Variants in MRM1 observed in about 807,000 individuals in gnomAD.
MRM1 encodes mitochondrial rRNA methyltransferase 1, also known as rRNA methyltransferase 1, mitochondrial.
A neutral mutation model predicts 25.0 loss-of-function variants in MRM1; 24 were observed. The observed-to-expected ratio is 0.96, with a 90% confidence interval of 0.69 to 1.35. The LOEUF (loss-of-function observed/expected upper bound fraction) is 1.35. Ranked by LOEUF, MRM1 falls within the 40% of genes most tolerant of loss-of-function variation. MRM1 has a pLI of 0.00. For missense variants in MRM1, 431 were observed against 464.1 expected (o/e 0.93, Z 0.65); for synonymous variants, 188 against 199.2 (o/e 0.94, Z 0.47).
chr17:36,602,317 C>T lies in MRM1; in HGVS notation c.507C>T (p.Leu169=), dbSNP rs1237486948. 5 of 1,583,502 alleles carry T rather than the reference C, an allele frequency of 3.2e-6. No homozygotes were observed. Among genetic ancestry groups the T allele is most frequent in the African/African-American group, 2.7e-5 (2 of 74,186 alleles). Residue 169 remains leucine (L), a synonymous_variant, in exon 1 of 5, where the codon CTC becomes CTT. Transcript: ENST00000614766. The surrounding 1 kb of genome is among the most constrained non-coding windows in gnomAD (Gnocchi z 4.1). ...FGAVLRSAHF[L]GVDKVITSRR... Reference sequence around the variant, plus strand: ...CTGTGCTGCGTTCCGCACACTTCCTCGGAGTGGATAAGGTCATCACCAGCC... The same window carrying T: ...CTGTGCTGCGTTCCGCACACTTCCTTGGAGTGGATAAGGTCATCACCAGCC...
the MRM1 span, among the ~76,000 whole-genome samples, chr17:36,623,529 C>T: frequency 6.6e-6 from 1 of 152,134 alleles, no homozygotes; most frequent in Non-Finnish European, 1.5e-5. Context: ...ACTGGTTTGT[C>T]TCCTCCTTCC....
At chr17:36,618,430 A>G in the MRM1 span, among the ~76,000 whole-genome samples, 1 of 152,124 alleles carries the variant, frequency 6.6e-6, no homozygotes, top group African/African-American at 2.4e-5. Flanking sequence ...GGGAGGGCAC[A>G]ATTTTAAACA....
At position 36,608,325 on chromosome 17, in the gene MRM1, A is replaced by G. The variant is rs367759770; in HGVS notation, c.972A>G (p.Gln324=). ...GAAGGCAGCTTCTCCAAGACCCCCA[A>G]GAACCCTCAGCCAGGTCTGAAGGGC... ...GERRQLLQDP[Q]EPSARSEGLS... is the part of the protein sequence containing the mutation. Residue 324 remains glutamine, a synonymous_variant, in exon 5 of 5, where the codon CAA becomes CAG. Coordinates refer to ENST00000614766, the MANE Select transcript of MRM1 (RefSeq NM_024864.5). 1 of 1,611,370 alleles carries G rather than the reference A, an allele frequency of 6.2e-7. No homozygotes were observed. Among genetic ancestry groups the G allele is most frequent in the South Asian group, 1.1e-5 (1 of 90,820 alleles).
At chr17:36,614,436 T>A in the MRM1 span, among the ~76,000 whole-genome samples, 1 of 152,174 alleles carries the variant, frequency 6.6e-6, no homozygotes, top group African/African-American at 2.4e-5. Flanking sequence ...CCAGAGGTTG[T>A]CACTGTCCCC....
At chr17:36,626,862 A>G in the MRM1 span, among the ~76,000 whole-genome samples, 1 of 152,166 alleles carries the variant, frequency 6.6e-6, no homozygotes, top group Non-Finnish European at 1.5e-5. Flanking sequence ...TTTTCTCCAC[A>G]TCAGTTTTTC....
At chr17:36,611,870 T>G (rs561195327), downstream of MRM1, among the ~76,000 whole-genome samples, 1 of 152,264 alleles carries the variant, frequency 6.6e-6, no homozygotes, top group Admixed American at 6.5e-5. Context: ...GGCGTCCAGC[T>G]TGCTGACTCA....
rs750600798 is a variant in MRM1, at chr17:36,607,700, G to A, written c.667G>A (p.Gly223Ser). ...AGCCCAGCAGGGCTGGCTCGTGGCC[G>A]GCACGGTGGGCTGCCCAAGCACAGA... ...TKAQQGWLVAGTVGCPSTEDP... is the reference protein window; with the variant it reads ...TKAQQGWLVASTVGCPSTEDP... Residue 223 changes from glycine to serine, a missense_variant, in exon 3 of 5, where the codon GGC (glycine) becomes AGC (serine). Transcript: ENST00000614766. 6.8e-6 allele frequency: 11 copies of A among 1,614,072 alleles called. No homozygotes were observed. The highest frequency in any genetic ancestry group is 3.3e-4 in the Middle Eastern group (2 of 6,062).
the MRM1 span, among the ~76,000 whole-genome samples, chr17:36,622,414 A>C: frequency 1.3e-5 from 2 of 152,170 alleles, no homozygotes; most frequent in South Asian, 4.2e-4. Context: ...TCTACTAAAA[A>C]TACAAAAATT....
chr17:36,607,813 G>A lies in MRM1; in HGVS notation c.769+11G>A, dbSNP rs2074944331. 6.2e-7 allele frequency: 1 copy of A among 1,613,740 alleles called. No homozygotes were observed. Among genetic ancestry groups the A allele is most frequent in the Non-Finnish European group, 8.5e-7 (1 of 1,179,814 alleles). ...CTCTCCTTGTGCTGGGTAGGTGGAT[G>A]TCCCTGCGTTTGTGCCCAGATTACA... On this transcript the variant is annotated intron_variant, in intron 3 of 4. Transcript: ENST00000614766.
chr17:36,612,119 C>T (rs781522040), downstream of MRM1, among the ~76,000 whole-genome samples: 1 of 152,116 alleles, frequency 6.6e-6, no homozygotes, highest in African/African-American at 2.4e-5. Flanking sequence ...CACCCCACCC[C>T]CCACAGACTC....
intron 2 of MRM1, chr17:36,603,221 G>A (rs1425673474): frequency 5.1e-6 from 5 of 985,002 alleles, no homozygotes; most frequent in Non-Finnish European, 6.0e-6. Flanking sequence ...TCTTAAGAAG[G>A]GGGAGAGCTC....
the MRM1 span, among the ~76,000 whole-genome samples, chr17:36,631,135 G>A: frequency 2.6e-5 from 4 of 152,198 alleles, no homozygotes; most frequent in African/African-American, 2.4e-5. Context: ...AACGGAGGTG[G>A]AGTTTGTCAG....
At chr17:36,625,432 T>C in the MRM1 span, among the ~76,000 whole-genome samples, 1 of 146,982 alleles carries the variant, frequency 6.8e-6, no homozygotes, top group Admixed American at 6.8e-5. Context: ...TCCTCCTCCT[T>C]CTCCTTTTCT....
At position 36,608,543 on chromosome 17, in the gene MRM1, G is replaced by C. The variant is rs74361156; in HGVS notation, c.*128G>C. ...CCATGTTTATTGACCACAGTCTGGG[G>C]GGGGGGGAAGGGGACTGCGGTGGAC... is the stretch of plus-strand genomic sequence containing the variant. On this transcript the variant is annotated 3_prime_UTR_variant, in exon 5 of 5. Coordinates refer to ENST00000614766, the MANE Select transcript of MRM1 (RefSeq NM_024864.5). The C allele has an allele frequency of 0.045, 22,897 of 511,074 alleles. 2,488 individuals carry two copies. The highest frequency in any genetic ancestry group is 0.11 in the African/African-American group (5,962 of 52,026). The allele number at this position is 511,074 out of a possible 1,614,324, so 31.7% of individuals were successfully genotyped here. A position where few individuals can be genotyped will look rare whatever the true frequency, so the allele number is the denominator to read the frequency against.
At chr17:36,607,555 T>A in intron 2 of MRM1, 115 bp from the exon 3 acceptor site, 1 of 1,292,752 alleles carries the variant, frequency 7.7e-7, no homozygotes, top group South Asian at 1.5e-5. Context: ...CCCAGGCGGT[T>A]GAGGCTGCGG....
chr17:36,617,723 T>C, the MRM1 span, among the ~76,000 whole-genome samples: 1 of 152,110 alleles, frequency 6.6e-6, no homozygotes, highest in African/African-American at 2.4e-5. Context: ...CTCTTCCTTC[T>C]TCTCAGCAGC....
chr17:36,620,030 T>G, the MRM1 span, among the ~76,000 whole-genome samples: 2 of 152,184 alleles, frequency 1.3e-5, no homozygotes, highest in African/African-American at 4.8e-5. Flanking sequence ...CTTTGTTCAT[T>G]TTTACATCAG....
In MRM1 at chr17:36,608,851, C is replaced by G. The variant is rs1293048342; in HGVS notation, c.*436C>G. 6.0e-6 allele frequency: 1 copy of G among 167,052 alleles called. No individual in the cohort carries two copies. Among genetic ancestry groups the G allele is most frequent in the African/African-American group, 2.4e-5 (1 of 42,154 alleles). The allele number at this position is 167,052 out of a possible 1,614,324, so 10.3% of individuals were successfully genotyped here. On this transcript the variant is annotated 3_prime_UTR_variant, in exon 5 of 5. Coordinates refer to ENST00000614766, the MANE Select transcript of MRM1 (RefSeq NM_024864.5). ...GGAGTAGACAGTGCGCACCTCAGGC[C>G]CACACACGGCCCCGCCCTGGGGCCT...
At chr17:36,628,620 C>T in the MRM1 span, among the ~76,000 whole-genome samples, 5 of 152,052 alleles carry the variant, frequency 3.3e-5, no homozygotes, top group East Asian at 1.9e-4. Flanking sequence ...GCTGCAGAAG[C>T]GGACCCCCAG....
Sources: allele counts gnomAD v4.1 joint callset (sites outside exome capture counted in the v4.1 genomes callset), GRCh38; gene constraint gnomAD v4.1.1; non-coding constraint Gnocchi (gnomAD v3.1); transcripts MANE v1.5; gene names NCBI Gene and HGNC (gene_info 2026-07-23, HGNC 2026-07-21).